IL7: variants seen among roughly 807,000 people sequenced by gnomAD.
IL7 encodes the protein interleukin 7.
In IL7, 3 loss-of-function variants were observed where a neutral mutation model predicts 21.6. The observed-to-expected ratio is 0.14, with a 90% CI of 0.06 to 0.36. The LOEUF is 0.36. Ranked by LOEUF, IL7 falls within the 10% of genes least tolerant of loss-of-function variation. The pLI, the probability that IL7 is intolerant of heterozygous loss-of-function variation, is 1.00. For missense variants in IL7, 175 were observed against 200.2 expected, an observed-to-expected ratio of 0.87 and a Z score of 0.76; for synonymous variants, 62 against 68.1, an observed-to-expected ratio of 0.91 and a Z score of 0.44.
chr8:78,691,561 A>AT (rs1488484013), intron 3 of IL7, among the ~76,000 whole-genome samples: 1 of 151,918 alleles, frequency 6.6e-6, no homozygotes, highest in Non-Finnish European at 1.5e-5. Context: ...ATTGCCTGTC[A>AT]TTTACATTTG....
chr8:78,770,001 G>A (rs1812897381), intron 2 of IL7, among the ~76,000 whole-genome samples: 1 of 152,106 alleles, frequency 6.6e-6, no homozygotes, highest in African/African-American at 2.4e-5. Context: ...GCTGAAACTG[G>A]ATCCCTTCCT....
intron 2 of IL7, among the ~76,000 whole-genome samples, chr8:78,794,593 T>C (rs976670037): frequency 1.3e-5 from 2 of 152,124 alleles, no homozygotes; most frequent in African/African-American, 4.8e-5. Flanking sequence ...AAATCTGTTG[T>C]TTAGTGTAGC....
chr8:78,686,708 G>A, intron 3 of IL7: 1 of 1,224,446 alleles, frequency 8.2e-7, no homozygotes, highest in Non-Finnish European at 1.1e-6. Context: ...CAATCATGGA[G>A]TGTTATGAGG....
At chr8:78,780,013 T>G (rs528473921) in intron 2 of IL7, among the ~76,000 whole-genome samples, 1 of 152,228 alleles carries the variant, frequency 6.6e-6, no homozygotes, top group African/African-American at 2.4e-5. Context: ...GATTTTCTAA[T>G]TTATTTGCAT....
At chr8:78,740,868 T>C (rs1811756345) in intron 2 of IL7, among the ~76,000 whole-genome samples, 1 of 146,444 alleles carries the variant, frequency 6.8e-6, no homozygotes, top group Non-Finnish European at 1.5e-5. Flanking sequence ...TGTGCGCTAT[T>C]TTTTTTTTCA....
At chr8:78,769,147 C>T (rs1048591103) in intron 2 of IL7, among the ~76,000 whole-genome samples, 3 of 151,706 alleles carry the variant, frequency 2.0e-5, no homozygotes, top group Non-Finnish European at 4.4e-5. Flanking sequence ...CCTCTCTCAC[C>T]ACTCCTATTC....
At chr8:78,730,283 A>G (rs1811401833), downstream of IL7, among the ~76,000 whole-genome samples, 1 of 151,954 alleles carries the variant, frequency 6.6e-6, no homozygotes, top group African/African-American at 2.4e-5. Flanking sequence ...ATGATTTAGC[A>G]CCTTTCTCAA....
chr8:78,684,650 G>C (rs1322989071), intron 4 of IL7, among the ~76,000 whole-genome samples: 1 of 152,118 alleles, frequency 6.6e-6, no homozygotes, highest in Non-Finnish European at 1.5e-5. Context: ...CAAACAACAG[G>C]AGTAAAGGGA....
At chr8:78,718,365 A>G (rs1275207577) in intron 6 of IL7, 3 of 151,972 alleles carry the variant, frequency 2.0e-5, no homozygotes, top group Non-Finnish European at 4.4e-5. Flanking sequence ...AAAATCTTAC[A>G]TGTTTAAAAA....
At chr8:78,722,177 TTC>T (rs1811253334) in intron 3 of IL7, among the ~76,000 whole-genome samples, 1 of 152,056 alleles carries the variant, frequency 6.6e-6, no homozygotes, top group East Asian at 1.9e-4. Flanking sequence ...GCAAATAGGT[TTC>T]TGTTTTTCAG....
intron 3 of IL7, among the ~76,000 whole-genome samples, chr8:78,687,856 A>C (rs1289295227): frequency 2.4e-5 from 2 of 84,940 alleles, no homozygotes; most frequent in Non-Finnish European, 5.9e-5. Flanking sequence ...TATTTATATA[A>C]TATATATCTA....
downstream of IL7, chr8:78,715,183 G>A: frequency 4.4e-6 from 7 of 1,578,412 alleles, no homozygotes; most frequent in Non-Finnish European, 6.1e-6. Context: ...CATGCTCACT[G>A]TTCAATACTT....
Position 78,738,488 on chromosome 8 carries a change from A to G in IL7, c.360+16T>C. The G allele has an allele frequency of 6.2e-7, 1 of 1,603,554 alleles. No homozygotes were observed. Among genetic ancestry groups the G allele is most frequent in the South Asian group, 1.1e-5 (1 of 89,148 alleles). On this transcript the variant is annotated intron_variant, in intron 4 of 5. Transcript: ENST00000263851. Reference sequence around the variant, plus strand: ...TATTTAATATTTTTATTCAAAGTAAATAGTCCTTAGCTTACCTGGCCAGTG... The same window carrying G: ...TATTTAATATTTTTATTCAAAGTAAGTAGTCCTTAGCTTACCTGGCCAGTG...
chr8:78,792,956 C>T (rs1443562550), intron 2 of IL7, among the ~76,000 whole-genome samples: 1 of 151,938 alleles, frequency 6.6e-6, no homozygotes, highest in Non-Finnish European at 1.5e-5. Context: ...CTTGCATAGC[C>T]AAACAATGGA....
chr8:78,720,643 G>A (rs551159670), intron 5 of IL7, among the ~76,000 whole-genome samples: 1 of 151,876 alleles, frequency 6.6e-6, no homozygotes, highest in South Asian at 2.1e-4. Flanking sequence ...GTTTTGTTGT[G>A]ATTTTAATAA....
At chr8:78,687,281 C>A (rs997176551) in intron 3 of IL7, among the ~76,000 whole-genome samples, 1 of 151,572 alleles carries the variant, frequency 6.6e-6, no homozygotes, top group African/African-American at 2.4e-5. Flanking sequence ...TGTTAGTACT[C>A]TAGATTGGGA....
intron 2 of IL7, among the ~76,000 whole-genome samples, chr8:78,794,704 T>A (rs1022046448): frequency 1.3e-5 from 2 of 152,106 alleles, no homozygotes; most frequent in Non-Finnish European, 2.9e-5. Context: ...ACCATTTACA[T>A]CTTTTTGTTT....
chr8:78,686,593 C>G, intron 3 of IL7: 1 of 1,518,700 alleles, frequency 6.6e-7, no homozygotes, highest in Non-Finnish European at 8.8e-7. Context: ...TCCTCCTCCA[C>G]CTTCTTATGA....
chr8:78,705,543 G>A (rs530498725), intron 3 of IL7, among the ~76,000 whole-genome samples: 2 of 152,302 alleles, frequency 1.3e-5, no homozygotes, highest in East Asian at 1.9e-4. Context: ...GCTCCACCTG[G>A]TGATGAGGAA....
Sources: gnomAD v4.1 joint callset for allele counts (sites outside exome capture counted in the v4.1 genomes callset) on GRCh38, gnomAD v4.1.1 for gene constraint, MANE v1.5 for transcripts, NCBI Gene and HGNC (gene_info 2026-07-23, HGNC 2026-07-21) for gene names.